The following RETREG1 variants were observed in gnomAD, a reference collection of about 807,000 sequenced individuals.
RETREG1 encodes the protein reticulophagy regulator 1.
RETREG1 carries 44 observed loss-of-function variants against 54.8 expected under a neutral mutation model. That is an observed-to-expected ratio of 0.80 (90% CI 0.63 to 1.03). The LOEUF (loss-of-function observed/expected upper bound fraction) is 1.03. Among genes scored for constraint, RETREG1 ranks in the 50% least tolerant of loss-of-function variants. The pLI, the probability that RETREG1 is intolerant of heterozygous loss-of-function variation, is 0.00. For missense variants in RETREG1, 554 were observed against 605.1 expected, an observed-to-expected ratio of 0.92 and a Z score of 0.89; for synonymous variants, 217 against 238.5, an observed-to-expected ratio of 0.91 and a Z score of 0.83.
intron 3 of RETREG1, among the ~76,000 whole-genome samples, chr5:16,522,875 A>C (rs1185722435): frequency 6.6e-6 from 1 of 152,068 alleles, no homozygotes; most frequent in African/African-American, 2.4e-5. Flanking sequence ...GCATGGTAGC[A>C]CAAGCCTGTA....
At position 16,616,813 on chromosome 5, in the gene RETREG1, C is replaced by T. The variant is rs1303789109; in HGVS notation, c.159G>A (p.Ala53=). 4 of 1,518,510 alleles carry T rather than the reference C, an allele frequency of 2.6e-6. No individual in the cohort carries two copies. Among genetic ancestry groups the T allele is most frequent in the Non-Finnish European group, 2.6e-6 (3 of 1,140,430 alleles). The allele number at this position is 1,518,510 out of a possible 1,614,324, so 94.1% of individuals were successfully genotyped here. ...CCGCGGCCTCCTCCACCTGCAACCC[C>T]GCGCCCTCCGCCGCCCCAGCTTCCT... is the stretch of plus-strand genomic sequence containing the variant. ...EAQEAGAAEG[A]GLQVEEAAGR... is the part of the protein sequence containing the mutation. Residue 53 remains alanine, a synonymous_variant, in exon 1 of 9, where the codon GCG becomes GCA. Coordinates refer to ENST00000306320, the MANE Select transcript of RETREG1 (RefSeq NM_001034850.3).
chr5:16,509,577 C>T (rs1740100944), intron 3 of RETREG1: 1 of 152,114 alleles, frequency 6.6e-6, no homozygotes, highest in Admixed American at 6.5e-5. Flanking sequence ...AGAAATATTA[C>T]TGAGATTTCT....
intron 1 of RETREG1, among the ~76,000 whole-genome samples, chr5:16,604,489 A>C (rs1229723601): frequency 6.6e-6 from 1 of 152,256 alleles, no homozygotes; most frequent in African/African-American, 2.4e-5. Flanking sequence ...GTGTGCCACG[A>C]AATTGTCAAA....
At chr5:16,568,007 T>C (rs1742065472) in intron 2 of RETREG1, among the ~76,000 whole-genome samples, 1 of 152,048 alleles carries the variant, frequency 6.6e-6, no homozygotes, top group African/African-American at 2.4e-5. Flanking sequence ...GGGGCAGATA[T>C]GACTGGTTCT....
intron 3 of RETREG1, among the ~76,000 whole-genome samples, chr5:16,560,132 T>G (rs1295041402): frequency 6.6e-6 from 1 of 152,250 alleles, no homozygotes; most frequent in Non-Finnish European, 1.5e-5. Flanking sequence ...AATTAGACCC[T>G]GGGTTTACCA....
intron 3 of RETREG1, among the ~76,000 whole-genome samples, chr5:16,563,853 T>A (rs545871744): frequency 6.6e-6 from 1 of 152,200 alleles, no homozygotes; most frequent in African/African-American, 2.4e-5. Context: ...TTAATTAAGA[T>A]ACTGGAAAAG....
intron 3 of RETREG1, among the ~76,000 whole-genome samples, chr5:16,497,448 G>C (rs146427688): frequency 1.4e-3 from 208 of 152,314 alleles, no homozygotes; most frequent in African/African-American, 4.8e-3. Flanking sequence ...AATGACAAAG[G>C]CTTTCCTCTG....
In RETREG1 at chr5:16,616,225, A is replaced by C. The variant is rs145367044; in HGVS notation, c.320+427T>G. The C allele has an allele frequency of 9.5e-3, 1,661 of 174,234 alleles. 23 individuals carry two copies. The highest frequency in any genetic ancestry group is 0.037 in the African/African-American group (1,568 of 42,004). The allele number at this position is 174,234 out of a possible 1,614,324, so 10.8% of individuals were successfully genotyped here. On this transcript the variant is annotated intron_variant, in intron 1 of 8. Coordinates refer to ENST00000306320, the MANE Select transcript of RETREG1 (RefSeq NM_001034850.3). ...GACTGATGAATGCGGCACCGTTTTG[A>C]ACGGGTACCTAATCTGGTCCAGATA... is the stretch of plus-strand genomic sequence containing the variant.
At position 16,545,627 on chromosome 5, in the gene RETREG1, C is replaced by G. The variant is rs554134570; in HGVS notation, c.458+20136G>C. On this transcript the variant is annotated intron_variant, in intron 3 of 8. Coordinates refer to ENST00000306320, the MANE Select transcript of RETREG1 (RefSeq NM_001034850.3). ...CTATCCTCCCCTTCCCTGGGTGCCC[C>G]TCACTTGACTCCAAGCTCCCTGTCA... Among the ~76,000 whole-genome samples, 59 of 152,268 alleles carry G rather than the reference C, an allele frequency of 3.9e-4. 1 individual carries two copies. The highest frequency in any genetic ancestry group is 1.4e-3 in the African/African-American group (58 of 41,554).
chr5:16,491,324 A>G (rs558715203), intron 3 of RETREG1, among the ~76,000 whole-genome samples: 64 of 152,348 alleles, frequency 4.2e-4, no homozygotes, highest in African/African-American at 1.5e-3. Context: ...ATGAATTGCA[A>G]TTAATTTATG....
intron 3 of RETREG1, among the ~76,000 whole-genome samples, chr5:16,500,911 G>A (rs1451526233): frequency 1.3e-5 from 2 of 151,126 alleles, no homozygotes; most frequent in Non-Finnish European, 2.9e-5. Flanking sequence ...AGGGGCCCCA[G>A]GTAACTTTGC....
chr5:16,480,858 A>G (rs1738739025), intron 5 of RETREG1, 151 bp downstream of exon 5: 8 of 637,468 alleles, frequency 1.3e-5, no homozygotes, highest in South Asian at 1.0e-4. Context: ...CTCTAGGAAA[A>G]TGGAGAAACT....
intron 3 of RETREG1, among the ~76,000 whole-genome samples, chr5:16,519,777 C>T (rs897245894): frequency 6.6e-6 from 1 of 152,198 alleles, no homozygotes; most frequent in East Asian, 1.9e-4. Flanking sequence ...TATTAACAGG[C>T]CCCCTCTCCG....
At chr5:16,549,706 A>G (rs1021772916) in intron 3 of RETREG1, among the ~76,000 whole-genome samples, 1 of 152,252 alleles carries the variant, frequency 6.6e-6, no homozygotes, top group African/African-American at 2.4e-5. Context: ...TTTATTCAAC[A>G]TAAACAGCAG....
At chr5:16,489,703 T>A (rs908572573) in intron 3 of RETREG1, among the ~76,000 whole-genome samples, 2 of 152,224 alleles carry the variant, frequency 1.3e-5, no homozygotes, top group African/African-American at 4.8e-5. Flanking sequence ...GCACAGCCTG[T>A]AACCAATAAG....
intron 1 of RETREG1, among the ~76,000 whole-genome samples, chr5:16,599,775 G>T (rs566532232): frequency 3.4e-4 from 51 of 152,134 alleles, no homozygotes; most frequent in Non-Finnish European, 6.6e-4. Flanking sequence ...AGAATCAAAA[G>T]TAAAAATACT....
At chr5:16,595,130 T>C (rs1742862787) in intron 1 of RETREG1, among the ~76,000 whole-genome samples, 1 of 152,234 alleles carries the variant, frequency 6.6e-6, no homozygotes, top group Non-Finnish European at 1.5e-5. Flanking sequence ...TGAAGCCATT[T>C]CCTGACTCAT....
At chr5:16,521,243 C>T (rs990957406) in intron 3 of RETREG1, among the ~76,000 whole-genome samples, 1 of 152,072 alleles carries the variant, frequency 6.6e-6, no homozygotes, top group African/African-American at 2.4e-5. Flanking sequence ...CCATTCTTCT[C>T]CCCTCCCATC....
intron 3 of RETREG1, among the ~76,000 whole-genome samples, chr5:16,548,159 G>A (rs554567815): frequency 2.4e-4 from 36 of 152,110 alleles, no homozygotes; most frequent in Non-Finnish European, 3.1e-4. Context: ...TAAATTATAA[G>A]ACTCATTTCT....
Sources: allele counts gnomAD v4.1 joint callset (sites outside exome capture counted in the v4.1 genomes callset), GRCh38; gene constraint gnomAD v4.1.1; transcripts MANE v1.5; gene names NCBI Gene and HGNC (gene_info 2026-07-23, HGNC 2026-07-21).